Variants in JMJD1C observed in about 807,000 individuals in gnomAD.
JMJD1C encodes the protein jumonji domain-containing protein 1C.
A neutral mutation model predicts 245.3 loss-of-function variants in JMJD1C; 31 were observed. The ratio of observed to expected loss-of-function variants is 0.13; its 90% confidence interval spans 0.09 to 0.17. The LOEUF (loss-of-function observed/expected upper bound fraction) is 0.17, where lower values mean the gene tolerates loss of function less well. Ranked by LOEUF, JMJD1C falls within the 10% of genes least tolerant of loss-of-function variation. The probability of loss-of-function intolerance (pLI) is 1.00; values close to 1 mark genes in which losing one functional copy is unlikely to be tolerated. For synonymous variants in JMJD1C, 1,057 were observed against 1,017.4 expected (o/e 1.04, Z -0.74); for missense variants, 2,691 against 3,000.2 (o/e 0.90, Z 2.41).
chr10:63,360,973 T>G (rs561032843), intron 2 of JMJD1C, among the ~76,000 whole-genome samples: 1 of 152,208 alleles, frequency 6.6e-6, no homozygotes, highest in African/African-American at 2.4e-5. Flanking sequence ...TTCCATTAAA[T>G]ACTTTCAATT....
At chr10:63,393,499 A>T (rs1948240740) in intron 1 of JMJD1C, among the ~76,000 whole-genome samples, 1 of 152,160 alleles carries the variant, frequency 6.6e-6, no homozygotes, top group African/African-American at 2.4e-5. Flanking sequence ...AAACACTAAA[A>T]ATATAACTAC....
Position 63,207,037 on chromosome 10 carries a change from T to G in JMJD1C, c.4632A>C (p.Pro1544=). The stretch of plus-strand genomic sequence containing the variant: ...CCTTTTTCAGTTTAGTATGGTAGTT[T>G]GGTTGACTTGTCTGGGAAGCTTGCC... ...GNGQASQTSQ[P]NYHTKLKKAW... The change falls in exon 10 of 26, where the codon CCA becomes CCC. Residue 1544 remains proline, a synonymous_variant. Transcript: ENST00000399262. 1 of 1,614,196 alleles carries G rather than the reference T, an allele frequency of 6.2e-7. No homozygotes were observed. Among genetic ancestry groups the G allele is most frequent in the South Asian group, 1.1e-5 (1 of 91,078 alleles).
intron 2 of JMJD1C, among the ~76,000 whole-genome samples, chr10:63,379,335 A>C (rs761113065): frequency 1.1e-4 from 16 of 152,170 alleles, no homozygotes; most frequent in Non-Finnish European, 4.4e-5. Context: ...AAATATTGCA[A>C]ATTTGTTATA....
intron 2 of JMJD1C, among the ~76,000 whole-genome samples, chr10:63,271,511 G>A (rs1856295325): frequency 6.6e-6 from 1 of 151,888 alleles, no homozygotes; most frequent in Admixed American, 6.6e-5. Flanking sequence ...GTATCCCTAT[G>A]GAGAAATCTC....
intron 10 of JMJD1C, chr10:63,204,422 A>C: frequency 1.0e-6 from 1 of 985,046 alleles, no homozygotes; most frequent in Non-Finnish European, 1.2e-6. Flanking sequence ...GTATTTCACT[A>C]ACACTTAATT....
chr10:63,213,430 C>T (rs1438758757), intron 8 of JMJD1C, 43 bp downstream of exon 8: 2 of 1,108,322 alleles, frequency 1.8e-6, no homozygotes, highest in South Asian at 3.0e-5. Context: ...TGTACATGTT[C>T]ATTAATATAT....
chr10:63,209,297 C>T (rs925109825), intron 8 of JMJD1C, 62 bp from the exon 9 acceptor site: 7 of 1,381,400 alleles, frequency 5.1e-6, no homozygotes, highest in Admixed American at 2.2e-5. Context: ...AGCTAAACAC[C>T]GTGTCACAGT....
At chr10:63,414,050 G>A (rs1406270216) in intron 1 of JMJD1C, among the ~76,000 whole-genome samples, 1 of 148,332 alleles carries the variant, frequency 6.7e-6, no homozygotes, top group Non-Finnish European at 1.5e-5. Flanking sequence ...GCAGTGGTGC[G>A]ATCTTGGCTC....
At chr10:63,280,763 T>C (rs546218808) in intron 2 of JMJD1C, among the ~76,000 whole-genome samples, 20 of 152,306 alleles carry the variant, frequency 1.3e-4, no homozygotes, top group African/African-American at 4.3e-4. Flanking sequence ...CACTTGTGTA[T>C]ATATAAAGAA....
chr10:63,370,707 T>C (rs1489039954), intron 2 of JMJD1C, among the ~76,000 whole-genome samples: 1 of 152,252 alleles, frequency 6.6e-6, no homozygotes, highest in African/African-American at 2.4e-5. Context: ...TTATTAAGTG[T>C]TAATTCTTTG....
chr10:63,307,557 A>T (rs1169639905), intron 2 of JMJD1C, among the ~76,000 whole-genome samples: 1 of 152,208 alleles, frequency 6.6e-6, no homozygotes, highest in Non-Finnish European at 1.5e-5. Context: ...TTCCAGCCTG[A>T]CAGAGAAGCT....
In JMJD1C at chr10:63,421,191, G is replaced by A. The variant is rs150440021; in HGVS notation, c.169-40709C>T. Among the ~76,000 whole-genome samples the A allele has an allele frequency of 3.2e-3, 491 of 152,088 alleles. 2 individuals are homozygous for A. The highest frequency in any genetic ancestry group is 0.011 in the African/African-American group (475 of 41,480). On this transcript the variant is annotated intron_variant, in intron 1 of 25. Coordinates refer to ENST00000399262, the MANE Select transcript of JMJD1C (RefSeq NM_032776.3). ...CTCTACTAAAAATACAAAATTAGCC[G>A]GGCGTGGTGGCTCATGCCTGTAATC... is the stretch of plus-strand genomic sequence containing the variant.
rs1354722883 is a variant in JMJD1C at position 63,517,243 on chromosome 10, ACTTT to A, written n.113+4491_113+4494del. Among the ~76,000 whole-genome samples, 3 of 152,210 alleles carry A rather than the reference ACTTT, an allele frequency of 2.0e-5. No individual in the cohort carries two copies. The South Asian group carries it at 6.2e-4, about 31-fold the overall frequency. On this transcript the variant is annotated intron_variant and non_coding_transcript_variant, in intron 1 of 3. Transcript: ENST00000633035. ...GCTCTCACTACCTGCTCTCCTAGGT[ACTTT>A]CTTAGTCTCTGTTGCTCTGCTAATA...
intron 10 of JMJD1C, 77 bp from the exon 11 acceptor site, chr10:63,200,754 A>C: frequency 8.0e-7 from 1 of 1,256,612 alleles, no homozygotes; most frequent in East Asian, 2.5e-5. Context: ...AATTCAAGTC[A>C]GTTATACAAT....
chr10:63,191,737 C>T (rs954405445), intron 16 of JMJD1C, among the ~76,000 whole-genome samples: 3 of 151,970 alleles, frequency 2.0e-5, no homozygotes, highest in African/African-American at 7.2e-5. Flanking sequence ...GTAATCCCAG[C>T]ACTTTGAGAG....
chr10:63,415,970 A>G (rs182489434), intron 1 of JMJD1C, among the ~76,000 whole-genome samples: 69 of 152,122 alleles, frequency 4.5e-4, no homozygotes, highest in Non-Finnish European at 7.2e-4. Context: ...AACCCCCACA[A>G]CTACACAGCT....
chr10:63,248,261 G>A (rs1474426580), intron 3 of JMJD1C, among the ~76,000 whole-genome samples: 2 of 152,060 alleles, frequency 1.3e-5, no homozygotes, highest in Non-Finnish European at 2.9e-5. Flanking sequence ...AGGAGATCGA[G>A]ACCAGCCTGA....
intron 1 of JMJD1C, among the ~76,000 whole-genome samples, chr10:63,409,165 T>G (rs1949344186): frequency 6.6e-6 from 1 of 152,238 alleles, no homozygotes; most frequent in South Asian, 2.1e-4. Flanking sequence ...TAATGTTTAA[T>G]AAGTACTACC....
intron 3 of JMJD1C, among the ~76,000 whole-genome samples, chr10:63,238,648 C>T (rs1325694192): frequency 6.6e-6 from 1 of 152,064 alleles, no homozygotes; most frequent in Non-Finnish European, 1.5e-5. Context: ...TTTTTTAGTT[C>T]TTCCATAACC....
Sources: gnomAD v4.1 joint callset for allele counts (sites outside exome capture counted in the v4.1 genomes callset) on GRCh38, gnomAD v4.1.1 for gene constraint, MANE v1.5 for transcripts, NCBI Gene and HGNC (gene_info 2026-07-23, HGNC 2026-07-21) for gene names.